The following SPIDR variants were observed in gnomAD, a reference collection of about 807,000 sequenced individuals.
The protein encoded by SPIDR is DNA repair-scaffolding protein.
Under a neutral mutation model 104.6 loss-of-function variants are expected in SPIDR, and 93 were observed. That is an observed-to-expected ratio of 0.89 (90% CI 0.75 to 1.06). The LOEUF (loss-of-function observed/expected upper bound fraction) is 1.06. Ranked by LOEUF, SPIDR falls within the 50% of genes least tolerant of loss-of-function variation. The pLI is 0.00. For missense variants in SPIDR, 1,154 were observed against 1,111.2 expected, an observed-to-expected ratio of 1.04 and a Z score of -0.55; for synonymous variants, 431 against 416.9, an observed-to-expected ratio of 1.03 and a Z score of -0.41.
At position 47,297,707 on chromosome 8, in the gene SPIDR, G is replaced by A. The variant is rs1554573759; in HGVS notation, c.525+3677G>A. 2.0e-3 allele frequency among the ~76,000 whole-genome samples: 302 copies of A among 152,158 alleles called. 1 individual carries two copies. Among genetic ancestry groups the A allele is most frequent in the Non-Finnish European group, 3.2e-3 (215 of 68,024 alleles). Reference sequence around the variant, plus strand: ...CCACCTGTGAGTGAGAACATGCGCTGTTTGGTTTTTTGTCCTTGTGATAGT... The same window carrying A: ...CCACCTGTGAGTGAGAACATGCGCTATTTGGTTTTTTGTCCTTGTGATAGT... On this transcript the variant is annotated intron_variant, in intron 5 of 19. Transcript: ENST00000297423.
At chr8:47,481,864 C>A (rs1586446974) in intron 8 of SPIDR, among the ~76,000 whole-genome samples, 1 of 152,202 alleles carries the variant, frequency 6.6e-6, no homozygotes, top group East Asian at 1.9e-4. Context: ...GCCCTTTGTT[C>A]TTAAAATATT....
chr8:47,420,174 A>G (rs1334120627), intron 7 of SPIDR, among the ~76,000 whole-genome samples: 2 of 152,102 alleles, frequency 1.3e-5, no homozygotes, highest in East Asian at 3.9e-4. Context: ...TATCCTTGTT[A>G]ACTTTGTGTC....
At chr8:47,635,987 C>G (rs1415152655) in intron 10 of SPIDR, among the ~76,000 whole-genome samples, 1 of 152,188 alleles carries the variant, frequency 6.6e-6, no homozygotes. Flanking sequence ...AGGCATGGCT[C>G]ACTTTATTAT....
intron 6 of SPIDR, among the ~76,000 whole-genome samples, chr8:47,399,427 G>C (rs569343870): frequency 1.3e-5 from 2 of 152,358 alleles, no homozygotes; most frequent in East Asian, 3.9e-4. Context: ...TTGGGAACTA[G>C]TTCTTTCCGA....
chr8:47,348,556 T>A (rs1302028826), intron 5 of SPIDR, among the ~76,000 whole-genome samples: 3 of 152,210 alleles, frequency 2.0e-5, no homozygotes, highest in Non-Finnish European at 4.4e-5. Context: ...GTGTTTTCCA[T>A]CTTGGTTCCA....
chr8:47,542,015 G>A (rs1363170247), intron 8 of SPIDR, among the ~76,000 whole-genome samples: 1 of 152,040 alleles, frequency 6.6e-6, no homozygotes, highest in Non-Finnish European at 1.5e-5. Flanking sequence ...AAGTCCCCCA[G>A]GCACATTCTG....
intron 8 of SPIDR, among the ~76,000 whole-genome samples, chr8:47,594,811 T>A (rs1434432735): frequency 6.6e-6 from 1 of 151,984 alleles, no homozygotes; most frequent in African/African-American, 2.4e-5. Context: ...CTGGCCAACA[T>A]GGCAAAACCT....
At chr8:47,594,813 G>A (rs922223948) in intron 8 of SPIDR, among the ~76,000 whole-genome samples, 20 of 152,024 alleles carry the variant, frequency 1.3e-4, no homozygotes, top group African/African-American at 4.3e-4. Flanking sequence ...GGCCAACATG[G>A]CAAAACCTTC....
At chr8:47,556,953 T>C (rs999003066) in intron 8 of SPIDR, among the ~76,000 whole-genome samples, 10 of 152,106 alleles carry the variant, frequency 6.6e-5, no homozygotes, top group African/African-American at 2.2e-4. Context: ...CTTTGCTACT[T>C]TTTGCTTTCT....
At chr8:47,301,523 C>T (rs953083215) in intron 5 of SPIDR, among the ~76,000 whole-genome samples, 5 of 151,562 alleles carry the variant, frequency 3.3e-5, no homozygotes, top group Non-Finnish European at 7.4e-5. Flanking sequence ...TTAGTTGATG[C>T]AGTTTCTTCC....
intron 8 of SPIDR, among the ~76,000 whole-genome samples, chr8:47,513,169 C>T (rs2154377103): frequency 6.6e-6 from 1 of 152,350 alleles, no homozygotes; most frequent in East Asian, 1.9e-4. Flanking sequence ...GCATCTGCTG[C>T]AGAATGTCTT....
At chr8:47,437,246 C>G (rs2068507964) in intron 7 of SPIDR, among the ~76,000 whole-genome samples, 1 of 126,182 alleles carries the variant, frequency 7.9e-6, no homozygotes, top group Non-Finnish European at 1.6e-5. Flanking sequence ...CCTCCCCCTC[C>G]CCCCACCCCA....
chr8:47,544,169 G>T (rs72646357), intron 8 of SPIDR, among the ~76,000 whole-genome samples: 3,103 of 152,138 alleles, frequency 0.02, 43 homozygotes, highest in Middle Eastern at 0.034. Context: ...ATCTTTTCAT[G>T]TGCTCATTTG....
intron 14 of SPIDR, among the ~76,000 whole-genome samples, chr8:47,710,299 A>G (rs756760819): frequency 2.0e-5 from 3 of 152,116 alleles, no homozygotes; most frequent in Non-Finnish European, 4.4e-5. Flanking sequence ...AGATAATTTC[A>G]TAATTAATTT....
At chr8:47,708,743 A>G (rs1185254606) in intron 14 of SPIDR, among the ~76,000 whole-genome samples, 1 of 152,132 alleles carries the variant, frequency 6.6e-6, no homozygotes, top group Non-Finnish European at 1.5e-5. Flanking sequence ...GCCTTTTCAG[A>G]ATATTGTATA....
At chr8:47,481,149 T>C (rs1340755617) in intron 8 of SPIDR, among the ~76,000 whole-genome samples, 3 of 152,350 alleles carry the variant, frequency 2.0e-5, no homozygotes, top group East Asian at 3.9e-4. Flanking sequence ...GGTGCTGCTG[T>C]CTTCTGACTG....
intron 12 of SPIDR, 76 bp downstream of exon 12, chr8:47,700,566 T>A (rs926011029): frequency 7.0e-7 from 1 of 1,428,860 alleles, no homozygotes; most frequent in Non-Finnish European, 9.9e-7. Context: ...GTCATCACTG[T>A]CACTCACATG....
chr8:47,474,038 A>T (rs1271210389), intron 8 of SPIDR, among the ~76,000 whole-genome samples: 1 of 152,174 alleles, frequency 6.6e-6, no homozygotes, highest in Non-Finnish European at 1.5e-5. Flanking sequence ...ACGAGCAGGC[A>T]TGATTGCTGG....
intron 11 of SPIDR, among the ~76,000 whole-genome samples, chr8:47,674,492 A>G (rs1307055575): frequency 6.6e-6 from 1 of 151,906 alleles, no homozygotes; most frequent in African/African-American, 2.4e-5. Context: ...ATTCTAATCT[A>G]TGAATTAGGG....
Sources: gnomAD v4.1 joint callset for allele counts (sites outside exome capture counted in the v4.1 genomes callset) on GRCh38, gnomAD v4.1.1 for gene constraint, MANE v1.5 for transcripts, NCBI Gene and HGNC (gene_info 2026-07-23, HGNC 2026-07-21) for gene names.